The following PBLD variants were observed in gnomAD, a reference collection of about 807,000 sequenced individuals.
PBLD encodes the protein phenazine biosynthesis-like domain-containing protein.
Under a neutral mutation model 31.3 loss-of-function variants are expected in PBLD, and 26 were observed. The ratio of observed to expected loss-of-function variants is 0.83; its 90% confidence interval spans 0.61 to 1.15. PBLD has a LOEUF of 1.15. PBLD is among the 50% of genes most tolerant of loss of function. The pLI, the probability that PBLD is intolerant of heterozygous loss-of-function variation, is 0.00. For synonymous variants in PBLD, 114 were observed against 129.0 expected, an observed-to-expected ratio of 0.88 and a Z score of 0.79; for missense variants, 307 against 351.7, an observed-to-expected ratio of 0.87 and a Z score of 1.02.
At chr10:68,314,735 T>C (rs2044714310) in intron 1 of PBLD, among the ~76,000 whole-genome samples, 1 of 152,040 alleles carries the variant, frequency 6.6e-6, no homozygotes, top group Non-Finnish European at 1.5e-5. Flanking sequence ...GTAGCTGGGA[T>C]TACAGGAGCA....
chr10:68,285,125 T>C, intron 9 of PBLD: 2 of 1,336,554 alleles, frequency 1.5e-6, no homozygotes, highest in Non-Finnish European at 1.9e-6. Context: ...TATTGGGCAG[T>C]TACTGTATCT....
chr10:68,290,543 C>A (rs1184527400), intron 6 of PBLD, among the ~76,000 whole-genome samples: 2 of 152,132 alleles, frequency 1.3e-5, no homozygotes, highest in African/African-American at 4.8e-5. Flanking sequence ...CATGGAGACA[C>A]CCCGTCTCCA....
chr10:68,331,048 A>AT (rs2045059532), intron 1 of PBLD: 1 of 151,986 alleles, frequency 6.6e-6, no homozygotes. Context: ...TAATCTTTGT[A>AT]TTTTTTGTAG....
intron 1 of PBLD, among the ~76,000 whole-genome samples, chr10:68,327,324 A>T (rs974042563): frequency 3.9e-5 from 6 of 152,138 alleles, no homozygotes; most frequent in African/African-American, 1.2e-4. Context: ...TTTTTTGCAG[A>T]CTTAAAAACA....
At chr10:68,313,517 G>C (rs2044697910) in intron 1 of PBLD, among the ~76,000 whole-genome samples, 1 of 152,160 alleles carries the variant, frequency 6.6e-6, no homozygotes, top group Non-Finnish European at 1.5e-5. Context: ...CACCGCCTTT[G>C]TTAAAATGTT....
At chr10:68,324,236 G>A (rs991559328) in intron 1 of PBLD, among the ~76,000 whole-genome samples, 3 of 152,118 alleles carry the variant, frequency 2.0e-5, no homozygotes, top group African/African-American at 7.2e-5. Context: ...GAGTGCAGTG[G>A]CACGATCTGG....
intron 1 of PBLD, among the ~76,000 whole-genome samples, chr10:68,308,224 T>C (rs2044609505): frequency 6.6e-6 from 1 of 152,230 alleles, no homozygotes; most frequent in Admixed American, 6.5e-5. Flanking sequence ...TTAATAGATT[T>C]ACAATACGTT....
intron 1 of PBLD, among the ~76,000 whole-genome samples, chr10:68,309,406 CAA>C (rs58152894): frequency 7.0e-5 from 8 of 114,720 alleles, no homozygotes; most frequent in Admixed American, 1.0e-4. Context: ...GATTATGTTT[CAA>C]AAAAAAAAAA....
At chr10:68,313,914 A>G (rs1366705203) in intron 1 of PBLD, among the ~76,000 whole-genome samples, 1 of 152,204 alleles carries the variant, frequency 6.6e-6, no homozygotes, top group East Asian at 1.9e-4. Flanking sequence ...GCTGTACTTG[A>G]CAATCCAATT....
chr10:68,311,797 G>A (rs1226055309), intron 1 of PBLD, among the ~76,000 whole-genome samples: 2 of 151,978 alleles, frequency 1.3e-5, no homozygotes, highest in Admixed American at 1.3e-4. Flanking sequence ...AAGCACTAGG[G>A]TGCCAACATT....
At chr10:68,321,959 G>A (rs1205930546) in intron 1 of PBLD, among the ~76,000 whole-genome samples, 1 of 152,202 alleles carries the variant, frequency 6.6e-6, no homozygotes, top group African/African-American at 2.4e-5. Flanking sequence ...CTTTCCAGGA[G>A]ATGGAGCTTA....
At chr10:68,324,252 C>A (rs1299424742) in intron 1 of PBLD, among the ~76,000 whole-genome samples, 1 of 152,038 alleles carries the variant, frequency 6.6e-6, no homozygotes, top group African/African-American at 2.4e-5. Flanking sequence ...TCTGGGCTCA[C>A]TGCAACCTCT....
intron 4 of PBLD, among the ~76,000 whole-genome samples, chr10:68,294,693 G>A (rs957573268): frequency 6.6e-6 from 1 of 152,170 alleles, no homozygotes; most frequent in African/African-American, 2.4e-5. Context: ...CTACTACTCT[G>A]CAGTTCAATT....
chr10:68,293,413 T>C (rs1243630362), intron 4 of PBLD, among the ~76,000 whole-genome samples: 1 of 152,222 alleles, frequency 6.6e-6, no homozygotes, highest in African/African-American at 2.4e-5. Flanking sequence ...GTGTATAACA[T>C]TTTTAGTGAA....
intron 1 of PBLD, among the ~76,000 whole-genome samples, chr10:68,318,814 C>T (rs1463572160): frequency 6.6e-6 from 1 of 151,516 alleles, no homozygotes; most frequent in Non-Finnish European, 1.5e-5. Flanking sequence ...GTCTATAATC[C>T]CAGCACTTTG....
At chr10:68,297,672 T>C (rs1461186065) in intron 2 of PBLD, among the ~76,000 whole-genome samples, 4 of 152,176 alleles carry the variant, frequency 2.6e-5, no homozygotes. Flanking sequence ...GTTGAAAAAA[T>C]AAGTACATTA....
intron 1 of PBLD, among the ~76,000 whole-genome samples, chr10:68,330,674 T>C (rs989862745): frequency 1.3e-5 from 2 of 151,110 alleles, no homozygotes; most frequent in South Asian, 2.1e-4. Context: ...GCCTCCTGAG[T>C]AGCTGAGACT....
At position 68,292,055 on chromosome 10, in the gene PBLD, A is replaced by G; in HGVS notation, c.394-16T>C. ...CATGGAAGTCCTAGATGGGGGGAAA[A>G]AAAACAAAATTATTATAAAACAGGA... On this transcript the variant is annotated splice_polypyrimidine_tract_variant and intron_variant, in intron 5 of 9. Coordinates refer to ENST00000358769, the MANE Select transcript of PBLD (RefSeq NM_022129.4). The G allele has an allele frequency of 6.3e-7, 1 of 1,598,890 alleles. No individual in the cohort carries two copies. Among genetic ancestry groups the G allele is most frequent in the African/African-American group, 1.3e-5 (1 of 74,520 alleles).
At chr10:68,330,600 C>A (rs1407209942) in intron 1 of PBLD, among the ~76,000 whole-genome samples, 2 of 152,108 alleles carry the variant, frequency 1.3e-5, no homozygotes, top group African/African-American at 2.4e-5. Context: ...GGCTGGAGTG[C>A]GGTGGCGCGA....
Sources: allele counts gnomAD v4.1 joint callset (sites outside exome capture counted in the v4.1 genomes callset), GRCh38; gene constraint gnomAD v4.1.1; transcripts MANE v1.5; gene names NCBI Gene and HGNC (gene_info 2026-07-23, HGNC 2026-07-21).